Variants in BAIAP2L2 observed in about 807,000 individuals in gnomAD.
BAIAP2L2 encodes BAR/IMD domain-containing adapter protein 2-like 2.
A neutral mutation model predicts 60.4 loss-of-function variants in BAIAP2L2; 65 were observed. That is an observed-to-expected ratio of 1.08 (90% CI 0.88 to 1.32). BAIAP2L2 has a LOEUF of 1.32. Ranked by LOEUF, BAIAP2L2 falls within the 40% of genes most tolerant of loss-of-function variation. The probability of loss-of-function intolerance (pLI) is 0.00; values close to 1 mark genes in which losing one functional copy is unlikely to be tolerated. For synonymous variants in BAIAP2L2, 344 were observed against 301.7 expected, an observed-to-expected ratio of 1.14 and a Z score of -1.45; for missense variants, 836 against 741.2, an observed-to-expected ratio of 1.13 and a Z score of -1.48.
chr22:38,085,764 TGGGGAGA>T (rs1569213816), intron 12 of BAIAP2L2, 32 bp from the exon 13 acceptor site: 1 of 1,568,184 alleles, frequency 6.4e-7, no homozygotes, highest in Non-Finnish European at 8.7e-7. Context: ...GCTGGTTTGG[TGGGGAGA>T]GGGGCAAGCA....
At chr22:38,096,902 A>G (rs1255049607) in intron 7 of BAIAP2L2, 130 bp downstream of exon 7, 1 of 1,138,418 alleles carries the variant, frequency 8.8e-7, no homozygotes, top group Non-Finnish European at 1.2e-6. Flanking sequence ...ATAGCAAAAT[A>G]AAATGAATTT....
intron 8 of BAIAP2L2, 52 bp from the exon 9 acceptor site, chr22:38,089,283 G>GGGGGGC: frequency 1.4e-5 from 2 of 145,678 alleles, no homozygotes; most frequent in East Asian, 3.5e-4. Flanking sequence ...GGGGGGCGGG[G>GGGGGGC]CCGCGCCCTA....
At chr22:38,091,678 T>C (rs1221793709) in intron 7 of BAIAP2L2, 2 of 152,166 alleles carry the variant, frequency 1.3e-5, no homozygotes, top group Non-Finnish European at 2.9e-5. Context: ...AAAAGACCGA[T>C]ACATTTTACT....
At chr22:38,092,781 A>AGGTGGTG (rs132933) in intron 7 of BAIAP2L2, among the ~76,000 whole-genome samples, 111,814 of 151,094 alleles carry the variant, frequency 0.74, 42,048 homozygotes, top group African/African-American at 0.86. Flanking sequence ...ATCTAGTGGG[A>AGGTGGTG]GGTGATGGGG....
Position 38,109,207 on chromosome 22 carries a change from C to T in BAIAP2L2, c.53G>A (p.Ser18Asn). 6.2e-7 allele frequency: 1 copy of T among 1,610,744 alleles called. No individual in the cohort carries two copies. The highest frequency in any genetic ancestry group is 8.5e-7 in the Non-Finnish European group (1 of 1,177,434). ...FYRSTMAIYKSIMEQFNPALE... is the reference protein window; with the variant it reads ...FYRSTMAIYKNIMEQFNPALE... ...GGCGGGGTTAAACTGCTCCATGATGCTCTGGACCCCAGGGTCAGGGGAGGA... is the reference window on the plus strand; with the variant it reads ...GGCGGGGTTAAACTGCTCCATGATGTTCTGGACCCCAGGGTCAGGGGAGGA... The change falls in exon 2 of 14, where the codon AGC (serine) becomes AAC (asparagine). Residue 18 changes from serine (S) to asparagine (N), a missense_variant and splice_region_variant. Coordinates refer to ENST00000381669, the MANE Select transcript of BAIAP2L2 (RefSeq NM_025045.6).
chr22:38,098,059 G>T lies in BAIAP2L2; in HGVS notation c.465+4C>A. Reference sequence around the variant, plus strand: ...GGCCCACCCCCGCTTCCCGGCCCTCGCACCTTCATCTCCCGCACGTTCTTG... The same window carrying T: ...GGCCCACCCCCGCTTCCCGGCCCTCTCACCTTCATCTCCCGCACGTTCTTG... On this transcript the variant is annotated splice_donor_region_variant and intron_variant, in intron 6 of 13. Transcript: ENST00000381669. 1 of 1,267,886 alleles carries T rather than the reference G, an allele frequency of 7.9e-7. No homozygotes were observed. Among genetic ancestry groups the T allele is most frequent in the Non-Finnish European group, 1.1e-6 (1 of 933,002 alleles). The allele number at this position is 1,267,886 out of a possible 1,614,324, so 78.5% of individuals were successfully genotyped here.
chr22:38,107,957 G>GCCC, intron 3 of BAIAP2L2, 44 bp from the exon 4 acceptor site: 4 of 1,582,220 alleles, frequency 2.5e-6, no homozygotes, highest in Non-Finnish European at 8.7e-7. Flanking sequence ...GTGGCAGCCT[G>GCCC]CCCCGCCCAC....
chr22:38,094,355 T>G (rs994987435), intron 7 of BAIAP2L2, among the ~76,000 whole-genome samples: 1 of 152,040 alleles, frequency 6.6e-6, no homozygotes, highest in African/African-American at 2.4e-5. Flanking sequence ...TTGGCTAACT[T>G]TTGTATTTTT....
At position 38,105,223 on chromosome 22, in the gene BAIAP2L2, CT is replaced by C. The variant is rs912814692; in HGVS notation, c.276+2628del. On this transcript the variant is annotated intron_variant, in intron 4 of 13. Transcript: ENST00000381669. ...CCTGTTAATGGCTGGTCATCTGAGA[CT>C]TGCCCTCTACTGCAGCCTTCGGTCT... Among the ~76,000 whole-genome samples, 55 of 152,114 alleles carry C rather than the reference CT, an allele frequency of 3.6e-4. 1 individual carries two copies. The highest frequency in any genetic ancestry group is 6.6e-5 in the Admixed American group (1 of 15,258).
At chr22:38,101,886 C>CAAAG (rs552541397) in intron 4 of BAIAP2L2, among the ~76,000 whole-genome samples, 3,788 of 152,028 alleles carry the variant, frequency 0.025, 164 homozygotes, top group African/African-American at 0.084. Context: ...ACAAAACAAA[C>CAAAG]AAAACCACCA....
At chr22:38,093,768 C>A in intron 7 of BAIAP2L2, 1 of 389,308 alleles carries the variant, frequency 2.6e-6, no homozygotes. Context: ...GACACGGAAA[C>A]ACTCCGGAAA....
chr22:38,106,206 T>C (rs1393222680), intron 4 of BAIAP2L2, among the ~76,000 whole-genome samples: 1 of 152,142 alleles, frequency 6.6e-6, no homozygotes, highest in Non-Finnish European at 1.5e-5. Context: ...GTGCGTGGGA[T>C]GTGCATTTAC....
Position 38,085,337 on chromosome 22 carries a change from G to C in BAIAP2L2, c.1553C>G (p.Thr518Ser). Reference sequence around the variant, plus strand: ...GGGTGCTGAGCGGTCATTGGTGATGGTGGGACGAAGCTTGACAGTGGCAAA... The same window carrying C: ...GGGTGCTGAGCGGTCATTGGTGATGCTGGGACGAAGCTTGACAGTGGCAAA... ...NPFATVKLRPTITNDRSAPLI... is the reference protein window; with the variant it reads ...NPFATVKLRPSITNDRSAPLI... The change falls in exon 14 of 14, where the codon ACC becomes AGC. Residue 518 changes from threonine to serine, a missense_variant. Physicochemically the swap from Thr to Ser is moderately conservative, Grantham distance 58. Transcript: ENST00000381669. 3.7e-6 allele frequency: 6 copies of C among 1,614,102 alleles called. No individual in the cohort carries two copies. Among genetic ancestry groups the C allele is most frequent in the Non-Finnish European group, 5.1e-6 (6 of 1,179,984 alleles).
chr22:38,109,251 G>A, intron 1 of BAIAP2L2, 43 bp from the exon 2 acceptor site: 3 of 1,491,206 alleles, frequency 2.0e-6, no homozygotes, highest in African/African-American at 1.4e-5. Context: ...TAGAGATGGG[G>A]GAGCGAGAAG....
intron 11 of BAIAP2L2, 51 bp from the exon 12 acceptor site, chr22:38,086,500 C>G (rs1268184785): frequency 1.4e-6 from 2 of 1,379,786 alleles, no homozygotes; most frequent in African/African-American, 2.9e-5. Context: ...CCTGTCCAAT[C>G]CCTTGTCCTG....
chr22:38,088,161 T>A (rs1450851448), intron 10 of BAIAP2L2, among the ~76,000 whole-genome samples: 3 of 152,164 alleles, frequency 2.0e-5, no homozygotes, highest in Non-Finnish European at 4.4e-5. Flanking sequence ...GCCAGCCCCA[T>A]CTGCCCCGTT....
At chr22:38,095,584 C>T (rs910714559) in intron 7 of BAIAP2L2, among the ~76,000 whole-genome samples, 5 of 152,052 alleles carry the variant, frequency 3.3e-5, no homozygotes, top group Admixed American at 6.6e-5. Context: ...AGGCTGGTCT[C>T]GAACTCCTGA....
intron 2 of BAIAP2L2, 43 bp from the exon 3 acceptor site, chr22:38,108,384 C>T (rs757118119): frequency 2.0e-6 from 3 of 1,484,020 alleles, no homozygotes; most frequent in East Asian, 2.3e-5. Flanking sequence ...CCTGCCTCTG[C>T]CCCACCCTTC....
chr22:38,104,422 G>C (rs545826093), intron 4 of BAIAP2L2, among the ~76,000 whole-genome samples: 5 of 152,182 alleles, frequency 3.3e-5, no homozygotes, highest in Admixed American at 6.5e-5. Context: ...TGGTCCCAGG[G>C]TCTCCAACAG....
Sources: gnomAD v4.1 joint callset for allele counts (sites outside exome capture counted in the v4.1 genomes callset) on GRCh38, gnomAD v4.1.1 for gene constraint, MANE v1.5 for transcripts, NCBI Gene and HGNC (gene_info 2026-07-23, HGNC 2026-07-21) for gene names.